The following RABGAP1L variants were observed in gnomAD, a reference collection of about 807,000 sequenced individuals.
RABGAP1L encodes rab GTPase-activating protein 1-like.
RABGAP1L carries 63 observed loss-of-function variants against 137.7 expected under a neutral mutation model. The observed-to-expected ratio is 0.46, with a 90% CI of 0.37 to 0.56. The LOEUF is 0.56. RABGAP1L is among the 20% of genes least tolerant of loss of function. The pLI is 0.00. For synonymous variants in RABGAP1L, 431 were observed against 433.7 expected (o/e 0.99, Z 0.08); for missense variants, 1,095 against 1,244.0 (o/e 0.88, Z 1.80).
chr1:174,938,691 G>A (rs1414711605), intron 19 of RABGAP1L, among the ~76,000 whole-genome samples: 1 of 152,096 alleles, frequency 6.6e-6, no homozygotes, highest in Non-Finnish European at 1.5e-5. Context: ...AAATTTTAAC[G>A]GCCGTGATAA....
chr1:174,950,967 A>T (rs1443536620), intron 19 of RABGAP1L, among the ~76,000 whole-genome samples: 1 of 152,164 alleles, frequency 6.6e-6, no homozygotes, highest in South Asian at 2.1e-4. Flanking sequence ...GATTCATCAA[A>T]CCCTGAATGA....
intron 13 of RABGAP1L, among the ~76,000 whole-genome samples, chr1:174,527,209 T>TC (rs1558309613): frequency 6.7e-6 from 1 of 150,098 alleles, no homozygotes; most frequent in African/African-American, 2.4e-5. Context: ...ATTTTGTTTT[T>TC]TTTTTTTTTT....
intron 13 of RABGAP1L, among the ~76,000 whole-genome samples, chr1:174,620,141 G>T (rs1025350438): frequency 1.3e-5 from 2 of 152,014 alleles, no homozygotes; most frequent in African/African-American, 2.4e-5. Flanking sequence ...AATGGAAGCC[G>T]TTAGAGACCT....
intron 13 of RABGAP1L, among the ~76,000 whole-genome samples, chr1:174,580,405 G>T (rs992994828): frequency 2.6e-5 from 4 of 152,134 alleles, no homozygotes; most frequent in Admixed American, 6.5e-5. Context: ...TGATAGACTG[G>T]ATTAAGAAAA....
chr1:174,331,853 T>C (rs556323201), intron 11 of RABGAP1L, among the ~76,000 whole-genome samples: 79 of 122,450 alleles, frequency 6.5e-4, no homozygotes, highest in Middle Eastern at 4.8e-3. Flanking sequence ...CCGTCCCTGG[T>C]GTGTGATGTT....
intron 19 of RABGAP1L, among the ~76,000 whole-genome samples, chr1:174,851,488 T>G (rs1327100437): frequency 1.2e-5 from 1 of 84,252 alleles, no homozygotes; most frequent in Non-Finnish European, 3.1e-5. Flanking sequence ...ATTTCTGTTT[T>G]AAATAATCTT....
chr1:174,800,498 G>T (rs1219591981), intron 18 of RABGAP1L: 1 of 1,550,344 alleles, frequency 6.5e-7, no homozygotes. Context: ...TCGGCTTCTG[G>T]CGGTGAGATT....
intron 13 of RABGAP1L, among the ~76,000 whole-genome samples, chr1:174,500,261 G>A (rs1248598959): frequency 1.3e-5 from 2 of 152,076 alleles, no homozygotes; most frequent in Admixed American, 6.6e-5. Flanking sequence ...TGTATTTTTA[G>A]TAGAGACAGG....
chr1:174,238,560 G>T (rs375878183), intron 4 of RABGAP1L, among the ~76,000 whole-genome samples: 11 of 151,414 alleles, frequency 7.3e-5, no homozygotes, highest in South Asian at 2.1e-4. Context: ...GCTGGGGGGT[G>T]CCTCCCAGTT....
At chr1:174,389,046 G>A (rs1452471938) in intron 12 of RABGAP1L, among the ~76,000 whole-genome samples, 1 of 151,710 alleles carries the variant, frequency 6.6e-6, no homozygotes, top group Admixed American at 6.6e-5. Flanking sequence ...ATATTTAGTA[G>A]GCATTTTAAT....
chr1:174,229,275 A>C, intron 3 of RABGAP1L, among the ~76,000 whole-genome samples: 1 of 152,196 alleles, frequency 6.6e-6, no homozygotes, highest in Middle Eastern at 3.2e-3. Flanking sequence ...AATGTGGTGC[A>C]GTGAAGGATC....
intron 13 of RABGAP1L, among the ~76,000 whole-genome samples, chr1:174,616,957 A>T (rs1671945255): frequency 1.3e-5 from 2 of 152,188 alleles, no homozygotes; most frequent in Non-Finnish European, 2.9e-5. Flanking sequence ...AGATAAAATA[A>T]ATGGTAGTTG....
intron 19 of RABGAP1L, among the ~76,000 whole-genome samples, chr1:174,946,994 A>G (rs1473250964): frequency 2.8e-5 from 4 of 140,458 alleles, no homozygotes; most frequent in African/African-American, 1.0e-4. Flanking sequence ...ATATATGTAT[A>G]TATATATGTA....
intron 7 of RABGAP1L, among the ~76,000 whole-genome samples, chr1:174,269,462 G>A (rs370327362): frequency 2.0e-5 from 3 of 152,202 alleles, no homozygotes; most frequent in Admixed American, 6.5e-5. Context: ...AATCCCGGTC[G>A]TGTAACTTAG....
At chr1:174,863,620 C>A (rs1406682330) in intron 19 of RABGAP1L, among the ~76,000 whole-genome samples, 2 of 150,030 alleles carry the variant, frequency 1.3e-5, no homozygotes, top group African/African-American at 4.9e-5. Context: ...TTGCAGTGAG[C>A]CGAGATCATG....
intron 11 of RABGAP1L, among the ~76,000 whole-genome samples, chr1:174,328,205 G>A (rs1324582670): frequency 6.6e-6 from 1 of 151,516 alleles, no homozygotes; most frequent in East Asian, 1.9e-4. Flanking sequence ...GGACCTAACA[G>A]ACATTTATAG....
chr1:174,867,698 T>A (rs1651522050), intron 19 of RABGAP1L, among the ~76,000 whole-genome samples: 1 of 152,218 alleles, frequency 6.6e-6, no homozygotes, highest in Non-Finnish European at 1.5e-5. Context: ...CAGGCTGGAC[T>A]GCAGTGACGT....
chr1:174,524,935 C>G (rs1572167493), intron 13 of RABGAP1L, among the ~76,000 whole-genome samples: 1 of 152,170 alleles, frequency 6.6e-6, no homozygotes, highest in Admixed American at 6.5e-5. Flanking sequence ...GTGCCTTTGT[C>G]AAAAATCAGT....
At chr1:174,891,764 C>A (rs1226961064) in intron 19 of RABGAP1L, among the ~76,000 whole-genome samples, 2 of 152,144 alleles carry the variant, frequency 1.3e-5, no homozygotes, top group Non-Finnish European at 2.9e-5. Flanking sequence ...CTCAGCCTCC[C>A]AAAGTGCTGG....
Sources: allele counts gnomAD v4.1 joint callset (sites outside exome capture counted in the v4.1 genomes callset), GRCh38; gene constraint gnomAD v4.1.1; transcripts MANE v1.5; gene names NCBI Gene and HGNC (gene_info 2026-07-23, HGNC 2026-07-21).